CAMSAP1: variants seen among roughly 807,000 people sequenced by gnomAD.
The protein encoded by CAMSAP1 is calmodulin regulated spectrin associated protein 1.
CAMSAP1 carries 58 observed loss-of-function variants against 143.5 expected under a neutral mutation model. The ratio of observed to expected loss-of-function variants is 0.40; its 90% CI spans 0.33 to 0.50. The LOEUF (loss-of-function observed/expected upper bound fraction) is 0.50, where lower values mean the gene tolerates loss of function less well. CAMSAP1 is among the 20% of genes least tolerant of loss of function. CAMSAP1 has a pLI of 0.45. For synonymous variants in CAMSAP1, 945 were observed against 859.3 expected (o/e 1.10, Z -1.74); for missense variants, 1,969 against 2,115.7 (o/e 0.93, Z 1.36).
At chr9:135,823,807 G>T in intron 10 of CAMSAP1, 143 bp downstream of exon 10, 1 of 668,744 alleles carries the variant, frequency 1.5e-6, no homozygotes. Context: ...ACTTCCTAGT[G>T]TTGTTATAAA....
intron 7 of CAMSAP1, among the ~76,000 whole-genome samples, chr9:135,846,590 G>A (rs548825885): frequency 3.1e-4 from 47 of 149,552 alleles, no homozygotes; most frequent in African/African-American, 1.1e-3. Flanking sequence ...GAGTGAACAG[G>A]CAACCTACAG....
chr9:135,813,652 T>C (rs1249202339), intron 16 of CAMSAP1, among the ~76,000 whole-genome samples: 2 of 152,212 alleles, frequency 1.3e-5, no homozygotes, highest in East Asian at 3.9e-4. Flanking sequence ...GCCTGCCTGC[T>C]GGGCGGCCCT....
chr9:135,854,364 T>C (rs1836878888), intron 5 of CAMSAP1, among the ~76,000 whole-genome samples: 1 of 150,686 alleles, frequency 6.6e-6, no homozygotes, highest in Admixed American at 6.8e-5. Flanking sequence ...CTTTCCAGAT[T>C]ATCTATTTTA....
chr9:135,849,448 A>G (rs2130900832), intron 7 of CAMSAP1, among the ~76,000 whole-genome samples: 1 of 152,354 alleles, frequency 6.6e-6, no homozygotes, highest in African/African-American at 2.4e-5. Flanking sequence ...GAGGCCAAGC[A>G]GCTTTTCACA....
Position 135,827,476 on chromosome 9 carries a change from T to G in CAMSAP1, c.1154A>C (p.Gln385Pro). The G allele has an allele frequency of 6.2e-7, 1 of 1,611,254 alleles. No individual in the cohort carries two copies. ...TTCCGCCGGCAGCTGCACGGGGGGC[T>G]GCAGCTCAGCCAGGGTCCCTGCAGC... ...SPAAGTLAEL[Q>P]PPVQLPAEGC... Residue 385 changes from glutamine (Q) to proline (P), a missense_variant, in exon 8 of 17, where the codon CAG becomes CCG. Around this residue, in one of 4 missense-constraint regions of CAMSAP1, gnomAD observed 1,390 missense variants for 1,420.8 expected, o/e 0.98. Transcript: ENST00000389532.
intron 7 of CAMSAP1, among the ~76,000 whole-genome samples, chr9:135,829,404 C>A (rs2131679844): frequency 6.6e-6 from 1 of 152,014 alleles, no homozygotes; most frequent in Non-Finnish European, 1.5e-5. Context: ...GTAGTCCCAG[C>A]TACTTGGGAG....
At position 135,821,470 on chromosome 9, in the gene CAMSAP1, G is replaced by A. The variant is rs904252936; in HGVS notation, c.3191C>T (p.Ser1064Leu). The A allele has an allele frequency of 9.3e-6, 15 of 1,613,944 alleles. No individual in the cohort carries two copies. The highest frequency in any genetic ancestry group is 6.7e-5 in the Admixed American group (4 of 60,002). ...TVPVPGSKNN[S>L]QDHKVKAPVH... is the part of the protein sequence containing the mutation. ...TGGTGCCTTCACTTTGTGGTCCTGCGAGTTATTCTTAGAGCCTGGCACTGG... is the reference window on the plus strand; with the variant it reads ...TGGTGCCTTCACTTTGTGGTCCTGCAAGTTATTCTTAGAGCCTGGCACTGG... The change falls in exon 11 of 17, where the codon TCG becomes TTG. Residue 1064 changes from serine (S) to leucine (L), a missense_variant. By Grantham distance (145) the Ser-to-Leu change is moderately radical (BLOSUM62 -2). Coordinates refer to ENST00000389532, the MANE Select transcript of CAMSAP1 (RefSeq NM_015447.4). This position sits in a 1 kb window ranked among gnomAD's most constrained non-coding sequence, Gnocchi z 4.6.
In CAMSAP1 at chr9:135,882,977, A is replaced by C; in HGVS notation, c.262T>G (p.Tyr88Asp). 1.3e-6 allele frequency: 2 copies of C among 1,551,770 alleles called. No homozygotes were observed. Among genetic ancestry groups the C allele is most frequent in the Non-Finnish European group, 1.7e-6 (2 of 1,147,004 alleles). The part of the protein sequence containing the change: ...VIKLLLSSEL[Y>D]CRVCSLILKG... ...AGGATGAGGCTGCAGACACGGCAGTACAGCTCGCTGGACAGGAGAAGCTTG... is the reference window on the plus strand; with the variant it reads ...AGGATGAGGCTGCAGACACGGCAGTCCAGCTCGCTGGACAGGAGAAGCTTG... The change falls in exon 2 of 17, where the codon TAC (tyrosine) becomes GAC (aspartate). Residue 88 changes from tyrosine to aspartate, a missense_variant. Transcript: ENST00000389532. The surrounding 1 kb of genome is among the most constrained non-coding windows in gnomAD (Gnocchi z 4.9).
At chr9:135,845,903 G>A (rs894356923) in intron 7 of CAMSAP1, among the ~76,000 whole-genome samples, 6 of 152,058 alleles carry the variant, frequency 3.9e-5, no homozygotes, top group Admixed American at 1.3e-4. Flanking sequence ...CATGCTCATG[G>A]ATAGGAAGAA....
Position 135,822,890 on chromosome 9 carries a change from A to T in CAMSAP1, c.1771T>A (p.Phe591Ile). Residue 591 changes from phenylalanine to isoleucine, a missense_variant, in exon 11 of 17, where the codon TTC (phenylalanine) becomes ATC (isoleucine). By Grantham distance (21) the Phe-to-Ile change is conservative. Coordinates refer to ENST00000389532, the MANE Select transcript of CAMSAP1 (RefSeq NM_015447.4). The surrounding 1 kb of genome is among the most constrained non-coding windows in gnomAD (Gnocchi z 6.1). Reference sequence around the variant, plus strand: ...ACTGCTGGCATCAAAGGCTCCAAGAAAAAACTGTCAGGCTTACTTTCCGAG... The same window carrying T: ...ACTGCTGGCATCAAAGGCTCCAAGATAAAACTGTCAGGCTTACTTTCCGAG... ...DTSESKPDSFFLEPLMPAVLK... is the reference protein window; with the variant it reads ...DTSESKPDSFILEPLMPAVLK... 1 of 1,613,854 alleles carries T rather than the reference A, an allele frequency of 6.2e-7. No homozygotes were observed. The highest frequency in any genetic ancestry group is 1.1e-5 in the South Asian group (1 of 91,086).
At chr9:135,849,556 C>G (rs777650247) in intron 7 of CAMSAP1, among the ~76,000 whole-genome samples, 1 of 152,090 alleles carries the variant, frequency 6.6e-6, no homozygotes, top group Admixed American at 6.5e-5. Context: ...TATGAATGAG[C>G]TCTTTATATA....
In CAMSAP1 at chr9:135,821,533, T is replaced by C. The variant is rs1162577606; in HGVS notation, c.3128A>G (p.Gln1043Arg). The change falls in exon 11 of 17, where the codon CAG becomes CGG. Residue 1043 changes from glutamine (Q) to arginine (R), a missense_variant. This residue lies in a region of CAMSAP1 where 1,390 missense variants were observed against 1,420.8 expected (regional missense o/e 0.98). Transcript: ENST00000389532. This position sits in a 1 kb window ranked among gnomAD's most constrained non-coding sequence, Gnocchi z 4.6. ...TLQQAILKIS[Q>R]QQEQLLMKSP... ...CTTCATCAGAAGCTGCTCTTGCTGC[T>C]GAGAGATTTTCAGGATGGCCTGCTG... 1 of 1,614,058 alleles carries C rather than the reference T, an allele frequency of 6.2e-7. No individual in the cohort carries two copies. The highest frequency in any genetic ancestry group is 1.7e-5 in the Admixed American group (1 of 60,032).
At position 135,820,829 on chromosome 9, in the gene CAMSAP1, A is replaced by G; in HGVS notation, c.3822+10T>C. On this transcript the variant is annotated intron_variant, in intron 11 of 16. Coordinates refer to ENST00000389532, the MANE Select transcript of CAMSAP1 (RefSeq NM_015447.4). The surrounding 1 kb of genome is among the most constrained non-coding windows in gnomAD (Gnocchi z 4.4). ...ACGAGTGCCTGAAACAGATGCTACC[A>G]ATCCCTTACCTTGAAGAAGAAGCCG... 6.2e-7 allele frequency: 1 copy of G among 1,611,578 alleles called. No homozygotes were observed. Among genetic ancestry groups the G allele is most frequent in the Non-Finnish European group, 8.5e-7 (1 of 1,179,584 alleles).
In CAMSAP1 at chr9:135,821,794, T is replaced by G; in HGVS notation, c.2867A>C (p.Asp956Ala). The G allele has an allele frequency of 6.2e-7, 1 of 1,613,960 alleles. No homozygotes were observed. Among genetic ancestry groups the G allele is most frequent in the Non-Finnish European group, 8.5e-7 (1 of 1,179,898 alleles). ...TCTCTGCTCCTCCTTCACGAGAAAG[T>G]CTTCGGTTTTGGAAACAGCGTCCCC... ...DCGDAVSKTEDFLVKEEQREE... is the reference protein window; with the variant it reads ...DCGDAVSKTEAFLVKEEQREE... The change falls in exon 11 of 17, where the codon GAC becomes GCC. Residue 956 changes from aspartate (D) to alanine (A), a missense_variant. By Grantham distance (126) the Asp-to-Ala change is moderately radical (BLOSUM62 -2). This residue lies in a region of CAMSAP1 where 1,390 missense variants were observed against 1,420.8 expected (regional missense o/e 0.98). Coordinates refer to ENST00000389532, the MANE Select transcript of CAMSAP1 (RefSeq NM_015447.4). This position sits in a 1 kb window ranked among gnomAD's most constrained non-coding sequence, Gnocchi z 4.6.
chr9:135,813,475 A>G (rs1479824329), intron 16 of CAMSAP1, among the ~76,000 whole-genome samples: 1 of 152,250 alleles, frequency 6.6e-6, no homozygotes, highest in Non-Finnish European at 1.5e-5. Flanking sequence ...GTGTTTAAAT[A>G]TGAACAGAAT....
At chr9:135,852,103 G>A (rs1431374416) in intron 5 of CAMSAP1, among the ~76,000 whole-genome samples, 1 of 152,180 alleles carries the variant, frequency 6.6e-6, no homozygotes, top group Non-Finnish European at 1.5e-5. Context: ...GATGACTGCT[G>A]TGGCTTTACT....
At chr9:135,817,763 G>A in intron 14 of CAMSAP1, 2 of 543,168 alleles carry the variant, frequency 3.7e-6, no homozygotes, top group South Asian at 2.1e-5. Context: ...AGGGGAGGGT[G>A]ATAAGGTGAA....
chr9:135,828,896 T>C (rs1418066005), intron 7 of CAMSAP1, among the ~76,000 whole-genome samples: 1 of 152,178 alleles, frequency 6.6e-6, no homozygotes, highest in Non-Finnish European at 1.5e-5. Flanking sequence ...AATGGGATGA[T>C]ATATTCAAAA....
At chr9:135,840,178 G>A (rs553969665) in intron 7 of CAMSAP1, among the ~76,000 whole-genome samples, 3 of 152,308 alleles carry the variant, frequency 2.0e-5, no homozygotes, top group South Asian at 4.1e-4. Flanking sequence ...TGGCCATAGG[G>A]TTTCAGCAGG....
Sources: gnomAD v4.1 joint callset for allele counts (sites outside exome capture counted in the v4.1 genomes callset) on GRCh38, gnomAD v4.1.1 for gene constraint, gnomAD v4.1.1 regional missense constraint, Gnocchi (gnomAD v3.1) non-coding constraint, MANE v1.5 for transcripts, NCBI Gene and HGNC (gene_info 2026-07-23, HGNC 2026-07-21) for gene names.